The following SLC25A30 variants were observed in gnomAD, a reference collection of about 807,000 sequenced individuals.
SLC25A30 encodes the protein solute carrier family 25 member 30, also known as kidney mitochondrial carrier protein 1.
A neutral mutation model predicts 42.7 loss-of-function variants in SLC25A30; 29 were observed. That is an observed-to-expected ratio of 0.68 (90% CI 0.51 to 0.93). SLC25A30 has a LOEUF of 0.93. SLC25A30 is among the 40% of genes least tolerant of loss of function. The pLI is 0.00. For missense variants in SLC25A30, 300 were observed against 359.7 expected (o/e 0.83, Z 1.34); for synonymous variants, 124 against 131.0 (o/e 0.95, Z 0.37).
At chr13:45,432,773 G>A in the SLC25A30 span, among the ~76,000 whole-genome samples, 1 of 151,224 alleles carries the variant, frequency 6.6e-6, no homozygotes, top group African/African-American at 2.4e-5. Flanking sequence ...GTGGTGGTTT[G>A]CACCTGTAAT....
At chr13:45,404,545 A>G in intron 4 of SLC25A30, 133 bp from the exon 5 acceptor site, 1 of 663,922 alleles carries the variant, frequency 1.5e-6, no homozygotes, top group Non-Finnish European at 2.7e-6. Flanking sequence ...CAGGCCGGGC[A>G]TGGTAGCTCA....
At chr13:45,414,635 TACACACACACAC>T (rs145462442) in intron 1 of SLC25A30, among the ~76,000 whole-genome samples, 12 of 140,004 alleles carry the variant, frequency 8.6e-5, no homozygotes, top group Non-Finnish European at 1.3e-4. Context: ...CACACACACA[TACACACACACAC>T]ACACACACAC....
At chr13:45,412,043 G>A (rs1883082940) in intron 1 of SLC25A30, 1 of 151,796 alleles carries the variant, frequency 6.6e-6, no homozygotes, top group Non-Finnish European at 1.5e-5. Flanking sequence ...CATCCCTCAG[G>A]TGCACTGCAG....
chr13:45,394,110 C>T lies in SLC25A30; in HGVS notation c.*1864G>A, dbSNP rs187862457. The T allele has an allele frequency of 1.1e-4, 107 of 985,140 alleles. No homozygotes were observed. The highest frequency in any genetic ancestry group is 1.2e-4 in the Admixed American group (2 of 16,242). 61.0% of individuals were successfully genotyped at this position (985,140 alleles called of 1,614,324 possible). A position where few individuals can be genotyped will look rare whatever the true frequency, so the allele number is the denominator to read the frequency against. On this transcript the variant is annotated 3_prime_UTR_variant, in exon 10 of 10. Transcript: ENST00000519676. ...AATGTTTTGGAAAGAAGAAAAAATC[C>T]TAAGGTGTAGTTTAGAACAAGCAGC...
At chr13:45,421,988 A>G (rs1477739452), upstream of SLC25A30, among the ~76,000 whole-genome samples, 1 of 152,166 alleles carries the variant, frequency 6.6e-6, no homozygotes, top group African/African-American at 2.4e-5. Context: ...GCAAACTGTT[A>G]GAACAGTAAC....
At chr13:45,425,003 A>ATATATAC in the SLC25A30 span, among the ~76,000 whole-genome samples, 1 of 14,852 alleles carries the variant, frequency 6.7e-5, no homozygotes, top group Non-Finnish European at 1.1e-4. Flanking sequence ...TAAATATATA[A>ATATATAC]ATATATATAA....
Position 45,404,425 on chromosome 13 carries a change from A to G in SLC25A30, c.308-13T>C. On this transcript the variant is annotated splice_polypyrimidine_tract_variant and intron_variant, in intron 4 of 9. Coordinates refer to ENST00000519676, the MANE Select transcript of SLC25A30 (RefSeq NM_001010875.4). ...GGTAGAGTTTCATCTGTAAACAATG[A>G]CACATTATTTGACTCTACATATTTA... The G allele has an allele frequency of 3.2e-6, 5 of 1,579,264 alleles. No individual in the cohort carries two copies. Among genetic ancestry groups the G allele is most frequent in the Non-Finnish European group, 4.4e-6 (5 of 1,148,424 alleles).
intron 4 of SLC25A30, 130 bp downstream of exon 4, chr13:45,405,753 T>C: frequency 1.3e-6 from 1 of 746,802 alleles, no homozygotes. Flanking sequence ...AACTAAGACT[T>C]TACACCCAGA....
chr13:45,403,447 G>T (rs1158201849), intron 5 of SLC25A30, among the ~76,000 whole-genome samples: 1 of 152,168 alleles, frequency 6.6e-6, no homozygotes, highest in Non-Finnish European at 1.5e-5. Flanking sequence ...GAAAAGAGGG[G>T]AAGTAGGAAA....
chr13:45,423,384 G>A (rs1051934293), upstream of SLC25A30, among the ~76,000 whole-genome samples: 12 of 149,032 alleles, frequency 8.1e-5, no homozygotes, highest in African/African-American at 2.0e-4. Flanking sequence ...TTAATTTTAC[G>A]TTACTCTCTG....
Position 45,400,033 on chromosome 13 carries a change from TACACACACACAC to T in SLC25A30, c.615-967_615-956del, listed in dbSNP as rs71184413. 1.2e-3 allele frequency among the ~76,000 whole-genome samples: 143 copies of T among 122,990 alleles called. 2 individuals carry two copies. In the South Asian group the frequency reaches 0.018, roughly 15 times the overall value. 80.7% of individuals were successfully genotyped at this position (122,990 alleles called of 152,430 possible). A position where few individuals can be genotyped will look rare whatever the true frequency, so the allele number is the denominator to read the frequency against. On this transcript the variant is annotated intron_variant, in intron 7 of 9. Coordinates refer to ENST00000519676, the MANE Select transcript of SLC25A30 (RefSeq NM_001010875.4). ...GTATGATTATATATATATATATATATACACACACACACACACACACACACACACACACATATG... is the reference window on the plus strand; with the variant it reads ...GTATGATTATATATATATATATATATACACACACACACACACACACATATG...
intron 2 of SLC25A30, 101 bp from the exon 3 acceptor site, chr13:45,409,175 A>G (rs917216676): frequency 4.9e-6 from 4 of 818,494 alleles, no homozygotes; most frequent in African/African-American, 1.8e-5. Flanking sequence ...TACAATATAA[A>G]CTAAGAAAGT....
At chr13:45,417,144 G>C (rs2137705001) in intron 1 of SLC25A30, among the ~76,000 whole-genome samples, 1 of 152,230 alleles carries the variant, frequency 6.6e-6, no homozygotes, top group East Asian at 1.9e-4. Context: ...CTCCCGAGTA[G>C]CTAGAATTAG....
At chr13:45,396,344 GA>G in intron 9 of SLC25A30, 1 of 1,142,786 alleles carries the variant, frequency 8.8e-7, no homozygotes, top group Non-Finnish European at 1.1e-6. Context: ...GAGAGAGAGA[GA>G]GTTAGCAAGC....
the SLC25A30 span, among the ~76,000 whole-genome samples, chr13:45,425,120 A>AT: frequency 2.3e-5 from 2 of 87,644 alleles, no homozygotes; most frequent in African/African-American, 9.9e-5. Context: ...ATATATTTAT[A>AT]AATATATAAG....
At chr13:45,433,878 A>C in the SLC25A30 span, among the ~76,000 whole-genome samples, 6 of 152,224 alleles carry the variant, frequency 3.9e-5, no homozygotes, top group Admixed American at 2.6e-4. Context: ...TCTGTAATGC[A>C]CTGTATTCTT....
intron 1 of SLC25A30, among the ~76,000 whole-genome samples, chr13:45,416,642 G>A (rs900345143): frequency 5.3e-5 from 8 of 151,936 alleles, no homozygotes; most frequent in African/African-American, 1.7e-4. Context: ...ATGGTGGTAC[G>A]CGACTCTAGT....
the SLC25A30 span, among the ~76,000 whole-genome samples, chr13:45,424,625 ATAAATAT>A: frequency 1.3e-5 from 1 of 75,144 alleles, no homozygotes; most frequent in African/African-American, 5.1e-5. Flanking sequence ...ATAAATATAT[ATAAATAT>A]GTATATAAAC....
chr13:45,416,835 T>C (rs1883579669), intron 1 of SLC25A30, among the ~76,000 whole-genome samples: 1 of 152,000 alleles, frequency 6.6e-6, no homozygotes, highest in African/African-American at 2.4e-5. Flanking sequence ...AAATTAAGAA[T>C]TTCAAAGGAT....
Sources: gnomAD v4.1 joint callset for allele counts (sites outside exome capture counted in the v4.1 genomes callset) on GRCh38, gnomAD v4.1.1 for gene constraint, MANE v1.5 for transcripts, NCBI Gene and HGNC (gene_info 2026-07-23, HGNC 2026-07-21) for gene names.